Variants in HPSE2 observed in about 807,000 individuals in gnomAD.
HPSE2 encodes the protein heparanase 2 (inactive), also known as inactive heparanase-2.
In HPSE2, 38 loss-of-function variants were observed where a neutral mutation model predicts 60.5. The observed-to-expected ratio is 0.63, with a 90% confidence interval of 0.48 to 0.82. The LOEUF is 0.82. Ranked by LOEUF, HPSE2 falls within the 40% of genes least tolerant of loss-of-function variation. The probability of loss-of-function intolerance (pLI) is 0.00; values close to 1 mark genes in which losing one functional copy is unlikely to be tolerated. For synonymous variants in HPSE2, 295 were observed against 293.2 expected, an observed-to-expected ratio of 1.01 and a Z score of -0.06; for missense variants, 713 against 740.4, an observed-to-expected ratio of 0.96 and a Z score of 0.43.
chr10:99,108,343 C>A (rs538094372), intron 3 of HPSE2, among the ~76,000 whole-genome samples: 5 of 150,720 alleles, frequency 3.3e-5, no homozygotes, highest in African/African-American at 1.2e-4. Flanking sequence ...AAAAAGAGGC[C>A]ATACTGAAAG....
intron 11 of HPSE2, among the ~76,000 whole-genome samples, chr10:98,479,741 G>C (rs1007485097): frequency 1.3e-5 from 2 of 152,196 alleles, no homozygotes; most frequent in Admixed American, 6.5e-5. Context: ...CTGGAATCCA[G>C]TTCCCTTGAA....
At chr10:98,694,649 G>A (rs1378647582) in intron 5 of HPSE2, among the ~76,000 whole-genome samples, 1 of 152,144 alleles carries the variant, frequency 6.6e-6, no homozygotes, top group African/African-American at 2.4e-5. Flanking sequence ...TGTTTCTGGA[G>A]GCTTCAGGAA....
At chr10:99,088,086 T>C (rs1386018341) in intron 3 of HPSE2, among the ~76,000 whole-genome samples, 1 of 151,844 alleles carries the variant, frequency 6.6e-6, no homozygotes, top group Non-Finnish European at 1.5e-5. Context: ...TCATGGATTT[T>C]TACCCATGAT....
At chr10:99,238,357 AT>A (rs142061500), upstream of HPSE2, among the ~76,000 whole-genome samples, 3,078 of 152,248 alleles carry the variant, frequency 0.02, 113 homozygotes, top group East Asian at 0.15. Context: ...AATTTTCACC[AT>A]TTTTGCTTAC....
intron 3 of HPSE2, among the ~76,000 whole-genome samples, chr10:98,998,922 T>C (rs1231805871): frequency 1.3e-5 from 2 of 152,220 alleles, no homozygotes; most frequent in Admixed American, 6.5e-5. Context: ...CCTTCAATTC[T>C]GCCCGAAGGG....
chr10:98,580,348 T>C (rs1370709933), intron 9 of HPSE2, among the ~76,000 whole-genome samples: 4 of 100,274 alleles, frequency 4.0e-5, no homozygotes, highest in Non-Finnish European at 8.7e-5. Context: ...CTTGATCATT[T>C]TCTCTCCTCT....
chr10:98,642,004 C>G, intron 6 of HPSE2, 64 bp from the exon 7 acceptor site: 1 of 1,362,878 alleles, frequency 7.3e-7, no homozygotes, highest in Non-Finnish European at 1.0e-6. Context: ...ATACACTTCT[C>G]TAGCCCAAGG....
At chr10:99,205,399 T>C (rs550447329) in intron 2 of HPSE2, among the ~76,000 whole-genome samples, 114 of 152,016 alleles carry the variant, frequency 7.5e-4, no homozygotes, top group African/African-American at 2.6e-3. Context: ...CTGACCAAGA[T>C]GGTGAAAGCC....
Position 98,551,493 on chromosome 10 carries a change from G to A in HPSE2, c.1321-61297C>T, listed in dbSNP as rs148024805. Among the ~76,000 whole-genome samples, 682 of 152,130 alleles carry A rather than the reference G, an allele frequency of 4.5e-3. 7 individuals carry two copies. The highest frequency in any genetic ancestry group is 0.015 in the African/African-American group (640 of 41,490). On this transcript the variant is annotated intron_variant, in intron 9 of 11. Transcript: ENST00000370552. ...TTGAGACTGTCAATAAAGATGCCCC[G>A]CCCTCCCACCAAGGGGCAGGAGTAT... is the stretch of plus-strand genomic sequence containing the variant.
At position 99,202,288 on chromosome 10, in the gene HPSE2, C is replaced by T. The variant is rs144733353; in HGVS notation, c.448+30060G>A. ...CATCATTATTTGATACTAAGAGGAT[C>T]GTTAGCCCCTATTTGGCTTTTAAAT... On this transcript the variant is annotated intron_variant, in intron 2 of 11. Coordinates refer to ENST00000370552, the MANE Select transcript of HPSE2 (RefSeq NM_021828.5). Among the ~76,000 whole-genome samples, 50 of 152,244 alleles carry T rather than the reference C, an allele frequency of 3.3e-4. No homozygotes were observed. The East Asian group carries it at 8.7e-3, about 27-fold the overall frequency.
At chr10:99,087,959 C>G (rs548492900) in intron 3 of HPSE2, among the ~76,000 whole-genome samples, 2 of 151,232 alleles carry the variant, frequency 1.3e-5, no homozygotes, top group Admixed American at 6.6e-5. Context: ...AATTCCTGAA[C>G]CCCCCCTTCT....
At chr10:98,496,838 T>C (rs985747798) in intron 9 of HPSE2, among the ~76,000 whole-genome samples, 2 of 152,188 alleles carry the variant, frequency 1.3e-5, no homozygotes, top group Non-Finnish European at 2.9e-5. Context: ...AAATATTCTG[T>C]TCAAGTTTGT....
chr10:98,496,329 C>A (rs1268525317), intron 9 of HPSE2, among the ~76,000 whole-genome samples: 2 of 152,184 alleles, frequency 1.3e-5, no homozygotes. Context: ...AAATCCCCTA[C>A]AGTCACTTCA....
chr10:98,651,399 T>C (rs1946910946), intron 6 of HPSE2, among the ~76,000 whole-genome samples: 1 of 152,190 alleles, frequency 6.6e-6, no homozygotes, highest in Non-Finnish European at 1.5e-5. Context: ...GAATATATAA[T>C]ATTTGAAACT....
intron 3 of HPSE2, among the ~76,000 whole-genome samples, chr10:99,051,306 C>A (rs1438452524): frequency 6.6e-6 from 1 of 152,106 alleles, no homozygotes; most frequent in Admixed American, 6.5e-5. Flanking sequence ...TGGAACAGAA[C>A]CTGCAATATT....
At chr10:98,685,133 C>T (rs1355301546) in intron 6 of HPSE2, among the ~76,000 whole-genome samples, 1 of 152,086 alleles carries the variant, frequency 6.6e-6, no homozygotes, top group Non-Finnish European at 1.5e-5. Flanking sequence ...TCTGTCTATC[C>T]TTCTATACAT....
At chr10:99,047,834 A>T in intron 3 of HPSE2, 3 of 798,046 alleles carry the variant, frequency 3.8e-6, no homozygotes, top group Non-Finnish European at 4.5e-6. Context: ...GCAGATGTAC[A>T]GAACTGAAAT....
chr10:99,146,444 G>C (rs539364316), intron 2 of HPSE2, among the ~76,000 whole-genome samples: 1 of 152,324 alleles, frequency 6.6e-6, no homozygotes, highest in East Asian at 1.9e-4. Context: ...GATTAAAAGA[G>C]AGAGCCTCAC....
the HPSE2 span, among the ~76,000 whole-genome samples, chr10:99,303,944 A>C: frequency 1.3e-5 from 2 of 152,152 alleles, no homozygotes; most frequent in African/African-American, 4.8e-5. Context: ...AACCCATCCC[A>C]TCTACTGACC....
Sources: allele counts gnomAD v4.1 joint callset (sites outside exome capture counted in the v4.1 genomes callset), GRCh38; gene constraint gnomAD v4.1.1; transcripts MANE v1.5; gene names NCBI Gene and HGNC (gene_info 2026-07-23, HGNC 2026-07-21).